The following MYOM2 variants were observed in gnomAD, a reference collection of about 807,000 sequenced individuals.
MYOM2 encodes the protein myomesin 2, also known as myomesin-2.
Under a neutral mutation model 187.6 loss-of-function variants are expected in MYOM2, and 254 were observed. The ratio of observed to expected loss-of-function variants is 1.35; its 90% CI spans 1.22 to 1.50. The LOEUF (loss-of-function observed/expected upper bound fraction) is 1.50. Among genes scored for constraint, MYOM2 ranks in the 40% most tolerant of loss-of-function variants. The pLI, the probability that MYOM2 is intolerant of heterozygous loss-of-function variation, is 0.00. For synonymous variants in MYOM2, 981 were observed against 753.8 expected (o/e 1.30, Z -4.94); for missense variants, 2,796 against 1,924.0 (o/e 1.45, Z -8.48).
At chr8:2,112,391 T>C (rs1425303293) in intron 25 of MYOM2, among the ~76,000 whole-genome samples, 1 of 30,804 alleles carries the variant, frequency 3.2e-5, no homozygotes, top group East Asian at 9.8e-4. Context: ...GTAGAAATCA[T>C]GGGTCGGGGG....
intron 16 of MYOM2, among the ~76,000 whole-genome samples, chr8:2,093,585 T>C (rs1234957720): frequency 2.0e-5 from 3 of 152,248 alleles, no homozygotes; most frequent in African/African-American, 7.2e-5. Context: ...GCCTAGTCCA[T>C]CTGACTTCCA....
At chr8:2,140,028 C>T (rs148440073) in intron 32 of MYOM2, among the ~76,000 whole-genome samples, 16 of 152,212 alleles carry the variant, frequency 1.1e-4, no homozygotes, top group African/African-American at 3.6e-4. Flanking sequence ...ACCTTTTCAT[C>T]CTCCCACCCG....
At chr8:2,089,305 A>G (rs1796212039) in intron 14 of MYOM2, among the ~76,000 whole-genome samples, 1 of 132,416 alleles carries the variant, frequency 7.6e-6, no homozygotes, top group East Asian at 2.4e-4. Context: ...GAGAAGTTAC[A>G]TGGAATGCAA....
chr8:2,144,673 C>G lies in MYOM2; in HGVS notation c.4090C>G (p.Leu1364Val). ...VTIMEGKTLN[L>V]TCTVFGNPDP... ...CCTCTTCCGTCCAAAGACCTTGAAT[C>G]TGACCTGCACGGTGTTTGGAAACCC... Residue 1364 changes from leucine to valine, a missense_variant, in exon 37 of 37, where the codon CTG becomes GTG. By Grantham distance (32) the Leu-to-Val change is conservative (BLOSUM62 1). Coordinates refer to ENST00000262113, the MANE Select transcript of MYOM2 (RefSeq NM_003970.4). 4 of 1,613,744 alleles carry G rather than the reference C, an allele frequency of 2.5e-6. No homozygotes were observed. The highest frequency in any genetic ancestry group is 3.4e-6 in the Non-Finnish European group (4 of 1,179,934).
At chr8:2,077,748 G>A (rs1354371161) in intron 11 of MYOM2, among the ~76,000 whole-genome samples, 8 of 152,240 alleles carry the variant, frequency 5.3e-5, no homozygotes, top group Admixed American at 4.6e-4. Flanking sequence ...TACAAAAAGC[G>A]CAAACATGAA....
At chr8:2,135,257 C>A (rs755455219) in intron 32 of MYOM2, among the ~76,000 whole-genome samples, 2 of 152,104 alleles carry the variant, frequency 1.3e-5, no homozygotes, top group Non-Finnish European at 2.9e-5. Context: ...CAATTAATTC[C>A]TTTCATCTTT....
rs1348757841 is a variant in MYOM2, at chr8:2,122,982, TA to T, written c.3454-269del. ...ATATAGACCAAAAGATCTTTATGCCTAGTCTAATTTCATGGACTAGAATGAC... is the reference window on the plus strand; with the variant it reads ...ATATAGACCAAAAGATCTTTATGCCTGTCTAATTTCATGGACTAGAATGAC... On this transcript the variant is annotated intron_variant, in intron 28 of 36. Coordinates refer to ENST00000262113, the MANE Select transcript of MYOM2 (RefSeq NM_003970.4). Among the ~76,000 whole-genome samples the T allele has an allele frequency of 9.2e-4, 10 of 10,878 alleles. No individual in the cohort carries two copies. In the East Asian group the frequency reaches 0.041, roughly 45 times the overall value. 7.1% of individuals were successfully genotyped at this position (10,878 alleles called of 152,430 possible).
chr8:2,077,638 ATCT>A (rs912194721), intron 11 of MYOM2, among the ~76,000 whole-genome samples: 1 of 152,104 alleles, frequency 6.6e-6, no homozygotes, highest in Non-Finnish European at 1.5e-5. Flanking sequence ...CCTCAAAACG[ATCT>A]TCTTTTCTCC....
intron 25 of MYOM2, among the ~76,000 whole-genome samples, chr8:2,111,259 A>T (rs1447979792): frequency 6.6e-6 from 1 of 152,190 alleles, no homozygotes; most frequent in African/African-American, 2.4e-5. Flanking sequence ...TTGAAGATTG[A>T]TGCTATTTTG....
chr8:2,060,957 G>A (rs1272118112), intron 6 of MYOM2, among the ~76,000 whole-genome samples: 1 of 152,040 alleles, frequency 6.6e-6, no homozygotes, highest in Non-Finnish European at 1.5e-5. Context: ...ATTACTAGGG[G>A]GAGATGGGGG....
intron 6 of MYOM2, among the ~76,000 whole-genome samples, chr8:2,066,460 C>G (rs900527307): frequency 1.3e-5 from 2 of 151,970 alleles, no homozygotes; most frequent in African/African-American, 2.4e-5. Flanking sequence ...GGGGTGGGAT[C>G]GTTGTAGAGG....
rs188965545 is a variant in MYOM2 at position 2,102,567 on chromosome 8, G to C, written c.2620-100G>C. ...ATCATTTTCCTAACTGGAAAAATAA[G>C]CTATTTTTGAAAAGGCCCTATTCAC... is the stretch of plus-strand genomic sequence containing the variant. On this transcript the variant is annotated intron_variant, in intron 20 of 36. Coordinates refer to ENST00000262113, the MANE Select transcript of MYOM2 (RefSeq NM_003970.4). The C allele has an allele frequency of 4.4e-5, 28 of 634,494 alleles. No homozygotes were observed. The African/African-American group carries it at 4.6e-4, about 10-fold the overall frequency. 39.3% of individuals were successfully genotyped at this position (634,494 alleles called of 1,614,324 possible).
chr8:2,118,193 T>C (rs1797311415), intron 28 of MYOM2, among the ~76,000 whole-genome samples: 1 of 152,164 alleles, frequency 6.6e-6, no homozygotes, highest in Non-Finnish European at 1.5e-5. Context: ...AATGGAAGGT[T>C]GGATTATAAA....
At chr8:2,049,519 T>A (rs1392919045) in intron 1 of MYOM2, among the ~76,000 whole-genome samples, 2 of 152,204 alleles carry the variant, frequency 1.3e-5, no homozygotes, top group Non-Finnish European at 2.9e-5. Context: ...GACAAATTCA[T>A]CTCCGAGCAG....
At chr8:2,100,742 C>T (rs773985989) in intron 19 of MYOM2, 134 bp from the exon 20 acceptor site, 114 of 808,986 alleles carry the variant, frequency 1.4e-4, no homozygotes, top group Admixed American at 3.7e-4. Context: ...TGATAAACAT[C>T]AGATGGGGAA....
At chr8:2,093,872 A>C (rs899206311) in intron 16 of MYOM2, 98 bp from the exon 17 acceptor site, 35 of 1,464,588 alleles carry the variant, frequency 2.4e-5, no homozygotes, top group Admixed American at 4.2e-5. Context: ...GTTATCCATA[A>C]AAATTTTTTA....
chr8:2,129,023 C>A (rs1797756256), intron 31 of MYOM2, 104 bp from the exon 32 acceptor site: 3 of 707,580 alleles, frequency 4.2e-6, no homozygotes, highest in Non-Finnish European at 4.9e-6. Flanking sequence ...CAAGTGAGAA[C>A]AGGATTGCAG....
chr8:2,112,811 T>A (rs1318138872), intron 25 of MYOM2, among the ~76,000 whole-genome samples: 2 of 152,264 alleles, frequency 1.3e-5, no homozygotes, highest in African/African-American at 2.4e-5. Flanking sequence ...ATTTTCTGGC[T>A]AAACTTACAT....
chr8:2,094,142 T>G (rs1183748103), intron 17 of MYOM2, 51 bp downstream of exon 17: 6 of 1,598,558 alleles, frequency 3.8e-6, no homozygotes, highest in Non-Finnish European at 5.1e-6. Context: ...ACACTGTCAT[T>G]TCTGCATGAA....
Sources: gnomAD v4.1 joint callset for allele counts (sites outside exome capture counted in the v4.1 genomes callset) on GRCh38, gnomAD v4.1.1 for gene constraint, MANE v1.5 for transcripts, NCBI Gene and HGNC (gene_info 2026-07-23, HGNC 2026-07-21) for gene names.